The following IL1RAPL1 variants were observed in gnomAD, a reference collection of about 807,000 sequenced individuals.
IL1RAPL1 encodes interleukin 1 receptor accessory protein like 1.
Under a neutral mutation model 48.4 loss-of-function variants are expected in IL1RAPL1, and 3 were observed. The observed-to-expected ratio is 0.06, with a 90% CI of 0.03 to 0.16. IL1RAPL1 has a LOEUF of 0.16. IL1RAPL1 is among the 10% of genes least tolerant of loss of function. IL1RAPL1 has a pLI of 1.00. For synonymous variants in IL1RAPL1, 185 were observed against 187.7 expected (o/e 0.99, Z 0.12); for missense variants, 349 against 530.6 (o/e 0.66, Z 3.36).
intron 2 of IL1RAPL1, among the ~76,000 whole-genome samples, chrX:28,813,304 G>A (rs1284486776): frequency 9.0e-6 from 1 of 111,353 alleles, no homozygotes. Context: ...GGATTATTTA[G>A]AAATGTGTTA....
At chrX:29,766,158 G>A (rs913012787) in intron 6 of IL1RAPL1, among the ~76,000 whole-genome samples, 8 of 105,957 alleles carry the variant, frequency 7.6e-5, no homozygotes, top group Admixed American at 1.0e-4. Context: ...GTGAAACCCC[G>A]TCTCTACTAA....
rs1313434501 is a variant in IL1RAPL1 at position 28,598,149 on chromosome X, C to T, written c.-25+10102C>T. Among the ~76,000 whole-genome samples, 3 of 112,019 alleles carry T rather than the reference C, an allele frequency of 2.7e-5. No individual in the cohort carries two copies. The East Asian group carries it at 8.5e-4, about 32-fold the overall frequency. ...AAGATCATATGGAATAAGAATATTG[C>T]TTTCGAGTAGAATGTACATTCAGTA... On this transcript the variant is annotated intron_variant, in intron 1 of 10. Coordinates refer to ENST00000378993, the MANE Select transcript of IL1RAPL1 (RefSeq NM_014271.4).
intron 2 of IL1RAPL1, among the ~76,000 whole-genome samples, chrX:28,912,472 A>C (rs573635695): frequency 9.0e-6 from 1 of 110,954 alleles, no homozygotes; most frequent in East Asian, 2.8e-4. Flanking sequence ...TAAGATGTTA[A>C]ATTAAGATAG....
chrX:29,803,005 A>AGATG (rs1930034084), intron 6 of IL1RAPL1, among the ~76,000 whole-genome samples: 9 of 69,072 alleles, frequency 1.3e-4, no homozygotes, highest in East Asian at 4.5e-4. Context: ...ATGTATGCAT[A>AGATG]TATACATATG....
chrX:28,897,024 G>A (rs1267937871), intron 2 of IL1RAPL1, among the ~76,000 whole-genome samples: 3 of 110,966 alleles, frequency 2.7e-5, no homozygotes, highest in Admixed American at 9.6e-5. Flanking sequence ...TTTAAGTCAG[G>A]TGTGAGTTGA....
intron 7 of IL1RAPL1, among the ~76,000 whole-genome samples, 156 bp downstream of exon 7, chrX:29,917,752 C>G (rs1405815905): frequency 9.1e-6 from 1 of 110,334 alleles, no homozygotes; most frequent in African/African-American, 3.3e-5. Context: ...TGTTAACAGA[C>G]TTACTATGGA....
chrX:29,230,522 A>AAAAAACAAAC (rs1555978821), intron 2 of IL1RAPL1, among the ~76,000 whole-genome samples: 1 of 90,826 alleles, frequency 1.1e-5, no homozygotes, highest in African/African-American at 4.2e-5. Context: ...AAAAAAAAAA[A>AAAAAACAAAC]AAAAAAAAAA....
chrX:29,947,781 G>T (rs1490226515), intron 9 of IL1RAPL1, among the ~76,000 whole-genome samples: 1 of 103,887 alleles, frequency 9.6e-6, no homozygotes, highest in Non-Finnish European at 2.0e-5. Flanking sequence ...GGGGGGGTGG[G>T]TGGTGGTGGT....
chrX:29,432,746 C>G (rs1934436387), intron 5 of IL1RAPL1, among the ~76,000 whole-genome samples: 1 of 111,373 alleles, frequency 9.0e-6, no homozygotes, highest in African/African-American at 3.3e-5. Context: ...ACTCATTTAC[C>G]TGCCATCACT....
intron 5 of IL1RAPL1, among the ~76,000 whole-genome samples, chrX:29,534,739 C>T (rs1157640891): frequency 3.6e-5 from 4 of 110,355 alleles, no homozygotes; most frequent in African/African-American, 6.6e-5. Flanking sequence ...GAGGCCGAAG[C>T]GGGCAGATCA....
chrX:28,760,963 A>T (rs1211127169), intron 1 of IL1RAPL1, among the ~76,000 whole-genome samples: 3 of 108,952 alleles, frequency 2.8e-5, no homozygotes, highest in African/African-American at 1.0e-4. Flanking sequence ...GCGTGCGGTT[A>T]TAGTCCCAGC....
chrX:29,637,198 C>G (rs1330360177), intron 5 of IL1RAPL1, among the ~76,000 whole-genome samples: 3 of 108,769 alleles, frequency 2.8e-5, no homozygotes, highest in Non-Finnish European at 5.7e-5. Flanking sequence ...AGTACACACA[C>G]TTAGGTATAA....
At chrX:29,133,050 T>C (rs1417437015) in intron 2 of IL1RAPL1, among the ~76,000 whole-genome samples, 5 of 111,291 alleles carry the variant, frequency 4.5e-5, no homozygotes, top group African/African-American at 1.6e-4. Flanking sequence ...AGGATAATTT[T>C]TCAAAAGGAC....
chrX:29,005,665 G>A (rs774266263), intron 2 of IL1RAPL1, among the ~76,000 whole-genome samples: 7 of 111,417 alleles, frequency 6.3e-5, no homozygotes, highest in Non-Finnish European at 1.1e-4. Context: ...CTGTGTTTGC[G>A]AGTAAAGACG....
intron 2 of IL1RAPL1, among the ~76,000 whole-genome samples, chrX:29,217,765 TCTCTCTCTCTCTCACA>T (rs1325366326): frequency 8.1e-5 from 5 of 61,402 alleles, no homozygotes; most frequent in African/African-American, 4.8e-4. Flanking sequence ...TTTCTCTCTC[TCTCTCTCTCTCTCACA>T]CACACACACA....
At chrX:29,057,225 T>A (rs954834605) in intron 2 of IL1RAPL1, among the ~76,000 whole-genome samples, 2 of 111,421 alleles carry the variant, frequency 1.8e-5, no homozygotes, top group African/African-American at 6.5e-5. Flanking sequence ...TTTATCCATT[T>A]CTCTTTTGAT....
intron 2 of IL1RAPL1, among the ~76,000 whole-genome samples, chrX:29,094,752 CAA>C (rs1343213668): frequency 2.2e-5 from 1 of 45,194 alleles, no homozygotes; most frequent in Non-Finnish European, 3.6e-5. Flanking sequence ...GCCTTGGTGA[CAA>C]GAGTGAAACT....
intron 2 of IL1RAPL1, among the ~76,000 whole-genome samples, chrX:28,981,461 A>G (rs1275371562): frequency 1.8e-5 from 2 of 111,520 alleles, no homozygotes; most frequent in Admixed American, 1.9e-4. Context: ...CTCTAAAATA[A>G]TTGTTTGCTA....
chrX:29,780,095 G>A (rs1307191083), intron 6 of IL1RAPL1, among the ~76,000 whole-genome samples: 1 of 110,988 alleles, frequency 9.0e-6, no homozygotes, highest in African/African-American at 3.3e-5. Context: ...AAATCTACAC[G>A]GATCCCCCTC....
Sources: gnomAD v4.1 joint callset for allele counts (sites outside exome capture counted in the v4.1 genomes callset) on GRCh38, gnomAD v4.1.1 for gene constraint, MANE v1.5 for transcripts, NCBI Gene and HGNC (gene_info 2026-07-23, HGNC 2026-07-21) for gene names.